Variants in DOCK6 observed in about 807,000 individuals in gnomAD.
The protein encoded by DOCK6 is dedicator of cytokinesis 6, also known as dedicator of cytokinesis protein 6.
Under a neutral mutation model 230.3 loss-of-function variants are expected in DOCK6, and 167 were observed. That is an observed-to-expected ratio of 0.73 (90% CI 0.64 to 0.82). The LOEUF (loss-of-function observed/expected upper bound fraction) is 0.82, where lower values mean the gene tolerates loss of function less well. Among genes scored for constraint, DOCK6 ranks in the 40% least tolerant of loss-of-function variants. The pLI is 0.00. For synonymous variants in DOCK6, 1,148 were observed against 1,185.0 expected (o/e 0.97, Z 0.64); for missense variants, 2,598 against 2,825.8 (o/e 0.92, Z 1.83).
chr19:11,213,915 G>A (rs978633763), intron 34 of DOCK6, among the ~76,000 whole-genome samples: 2 of 151,024 alleles, frequency 1.3e-5, no homozygotes, highest in Non-Finnish European at 2.9e-5. Flanking sequence ...TCAGCCTTCC[G>A]AGTAGCTAGG....
chr19:11,219,755 A>G (rs1334854699), intron 28 of DOCK6, among the ~76,000 whole-genome samples: 1 of 149,680 alleles, frequency 6.7e-6, no homozygotes, highest in Non-Finnish European at 1.5e-5. Flanking sequence ...GCGCCACTGC[A>G]CTCCAGCCTG....
At chr19:11,257,609 T>C (rs2080218488) in intron 1 of DOCK6, among the ~76,000 whole-genome samples, 1 of 148,042 alleles carries the variant, frequency 6.8e-6, no homozygotes, top group Non-Finnish European at 1.5e-5. Context: ...GCCAACATGG[T>C]GAAACCCCAT....
At chr19:11,227,550 G>A (rs1784462753) in intron 23 of DOCK6, 73 bp from the exon 24 acceptor site, 2 of 1,507,492 alleles carry the variant, frequency 1.3e-6, no homozygotes, top group Admixed American at 2.0e-5. Context: ...CTGTGGGTGG[G>A]GCTTGAAGGG....
At chr19:11,261,253 C>A (rs1298666039) in intron 1 of DOCK6, among the ~76,000 whole-genome samples, 1 of 152,000 alleles carries the variant, frequency 6.6e-6, no homozygotes, top group African/African-American at 2.4e-5. Flanking sequence ...TGGCCTCGAT[C>A]GATCCCTCTC....
intron 28 of DOCK6, among the ~76,000 whole-genome samples, chr19:11,220,431 C>G (rs544655313): frequency 1.4e-4 from 21 of 152,300 alleles, no homozygotes; most frequent in Non-Finnish European, 2.2e-4. Context: ...AAATAAAGCT[C>G]TAGCCCAGTC....
chr19:11,238,622 C>T (rs1263583540), intron 14 of DOCK6: 15 of 300,810 alleles, frequency 5.0e-5, no homozygotes, highest in Non-Finnish European at 9.0e-5. Context: ...TAGCGAGGCA[C>T]TCAGGGCCAG....
chr19:11,261,848 C>CG (rs1454137302), intron 1 of DOCK6, among the ~76,000 whole-genome samples: 1 of 152,094 alleles, frequency 6.6e-6, no homozygotes, highest in African/African-American at 2.4e-5. Context: ...CCCTTCCCCC[C>CG]CCCCGACAGC....
At chr19:11,216,498 C>T (rs1434567683) in intron 30 of DOCK6, among the ~76,000 whole-genome samples, 1 of 152,038 alleles carries the variant, frequency 6.6e-6, no homozygotes, top group Non-Finnish European at 1.5e-5. Flanking sequence ...ACCTCCACCT[C>T]CCGGGTTCAA....
intron 39 of DOCK6, 101 bp downstream of exon 39, chr19:11,208,582 TCTC>T (rs1322546205): frequency 1.2e-5 from 17 of 1,476,916 alleles, no homozygotes; most frequent in Middle Eastern, 1.8e-4. Context: ...CCCAGCCTAT[TCTC>T]CTTCTTTCTA....
At chr19:11,248,936 G>T (rs2080076334) in intron 6 of DOCK6, among the ~76,000 whole-genome samples, 1 of 152,158 alleles carries the variant, frequency 6.6e-6, no homozygotes, top group African/African-American at 2.4e-5. Context: ...AATGTTGACT[G>T]GAGATATAGG....
rs563358653 is a variant in DOCK6, at chr19:11,234,339, T to A, written c.2555-973A>T. Among the ~76,000 whole-genome samples the A allele has an allele frequency of 1.8e-4, 27 of 150,650 alleles. No homozygotes were observed. The South Asian group carries it at 4.2e-3, about 23-fold the overall frequency. On this transcript the variant is annotated intron_variant, in intron 21 of 47. Coordinates refer to ENST00000294618, the MANE Select transcript of DOCK6 (RefSeq NM_020812.4). ...ACAGGCTGGTCTCAAACTCCTGATC[T>A]CAGGTGATCCACTTGCCTCAGCCTC...
In DOCK6 at chr19:11,202,586, C is replaced by G. The variant is rs779780611; in HGVS notation, c.5359G>C (p.Glu1787Gln). 35 of 1,613,932 alleles carry G rather than the reference C, an allele frequency of 2.2e-5. No homozygotes were observed. The Admixed American group carries it at 5.7e-4, about 26-fold the overall frequency. Residue 1787 changes from glutamate to glutamine, a missense_variant and splice_region_variant, in exon 42 of 48, where the codon GAG becomes CAG. Coordinates refer to ENST00000294618, the MANE Select transcript of DOCK6 (RefSeq NM_020812.4). This position sits in a 1 kb window ranked among gnomAD's most constrained non-coding sequence, Gnocchi z 5.3. ...TKLAEISHRL[E>Q]EFYTERFGDD... ...CACCCCCAACCACAAGGACGTGCCT[C>G]CAGCCGGTGTGAGATCTCTGCCAGC...
Position 11,222,448 on chromosome 19 carries a change from T to C in DOCK6, c.3241-200A>G, listed in dbSNP as rs753592544. The C allele has an allele frequency of 6.0e-5, 47 of 778,714 alleles. No individual in the cohort carries two copies. The highest frequency in any genetic ancestry group is 9.0e-5 in the Non-Finnish European group (45 of 500,784). 48.2% of individuals were successfully genotyped at this position (778,714 alleles called of 1,614,324 possible). The stretch of plus-strand genomic sequence containing the variant: ...GGGGCTGACGTTAACCCATCTGTGA[T>C]GTAACAGGGCACGGAGTCAAAAGTC... On this transcript the variant is annotated intron_variant, in intron 26 of 47. Coordinates refer to ENST00000294618, the MANE Select transcript of DOCK6 (RefSeq NM_020812.4). This position sits in a 1 kb window ranked among gnomAD's most constrained non-coding sequence, Gnocchi z 4.0.
intron 28 of DOCK6, chr19:11,221,634 G>A: frequency 1.7e-6 from 1 of 603,294 alleles, no homozygotes; most frequent in East Asian, 2.8e-5. Context: ...ATAACCTTAT[G>A]AAGTAGTTGG....
chr19:11,236,208 T>G lies in DOCK6; in HGVS notation c.2392+138A>C. 1.2e-6 allele frequency: 1 copy of G among 838,702 alleles called. No homozygotes were observed. Among genetic ancestry groups the G allele is most frequent in the South Asian group, 1.8e-5 (1 of 55,052 alleles). 52.0% of individuals were successfully genotyped at this position (838,702 alleles called of 1,614,324 possible). A position where few individuals can be genotyped will look rare whatever the true frequency, so the allele number is the denominator to read the frequency against. ...AGGGTCACAGAAGACCTTCTCTGGG[T>G]GCAGGGGACTGGAGGTCATTTTTCA... On this transcript the variant is annotated intron_variant, in intron 20 of 47. Coordinates refer to ENST00000294618, the MANE Select transcript of DOCK6 (RefSeq NM_020812.4). The surrounding 1 kb of genome is among the most constrained non-coding windows in gnomAD (Gnocchi z 5.2).
At position 11,222,641 on chromosome 19, in the gene DOCK6, C is replaced by T. The variant is rs118063568; in HGVS notation, c.3240+94G>A. 3,393 of 1,332,926 alleles carry T rather than the reference C, an allele frequency of 2.5e-3. 5 individuals carry two copies. Among genetic ancestry groups the T allele is most frequent in the Non-Finnish European group, 3.3e-3 (3,224 of 983,222 alleles). The allele number at this position is 1,332,926 out of a possible 1,614,324, so 82.6% of individuals were successfully genotyped here. ...TTAGTTCACCTAGGCAGTGGTCCAC[C>T]GTGAAAGGGACAGAGATGAGGGAAC... On this transcript the variant is annotated intron_variant, in intron 26 of 47. Transcript: ENST00000294618. The surrounding 1 kb of genome is among the most constrained non-coding windows in gnomAD (Gnocchi z 4.0).
In DOCK6 at chr19:11,242,057, TG is replaced by T. The variant is rs770699322; in HGVS notation, c.1630del (p.His544IlefsTer34). The T allele has an allele frequency of 6.4e-7, 1 of 1,565,710 alleles. No individual in the cohort carries two copies. Among genetic ancestry groups the T allele is most frequent in the Non-Finnish European group, 8.6e-7 (1 of 1,164,870 alleles). On this transcript the variant is annotated frameshift_variant, in exon 14 of 48. Transcript: ENST00000294618. LOFTEE classifies it high-confidence loss of function. ...EFPAREVYAP[H>X]TSYRNLLYVY... is the part of the protein sequence containing the mutation. ...CCAGAGGCCGTACCTGTAGCTGGTA[TG>T]GGGGGCATAGACTTCGCGGGCGGGG...
chr19:11,229,441 G>T, intron 22 of DOCK6: 1 of 941,128 alleles, frequency 1.1e-6, no homozygotes. Flanking sequence ...TGAGGTGAAG[G>T]GGTATGTGGT....
In DOCK6 at chr19:11,243,345, G is replaced by A; in HGVS notation, c.1299C>T (p.Pro433=). 4 of 1,600,106 alleles carry A rather than the reference G, an allele frequency of 2.5e-6. No homozygotes were observed. The highest frequency in any genetic ancestry group is 3.4e-6 in the Non-Finnish European group (4 of 1,174,048). Residue 433 remains proline, a synonymous_variant, in exon 12 of 48, where the codon CCC becomes CCT. Coordinates refer to ENST00000294618, the MANE Select transcript of DOCK6 (RefSeq NM_020812.4). This position sits in a 1 kb window ranked among gnomAD's most constrained non-coding sequence, Gnocchi z 6.3. ...PAWTDRRRRG[P]QDRASSGDDA... ...CGTCCCCACTACTCGCCCGGTCCTG[G>A]GGCCCCCGACGGCGGCGGTCTGTCC... is the stretch of plus-strand genomic sequence containing the variant.
Sources: allele counts gnomAD v4.1 joint callset (sites outside exome capture counted in the v4.1 genomes callset), GRCh38; gene constraint gnomAD v4.1.1; non-coding constraint Gnocchi (gnomAD v3.1); transcripts MANE v1.5; gene names NCBI Gene and HGNC (gene_info 2026-07-23, HGNC 2026-07-21).